The following JMJD1C variants were observed in gnomAD, a reference collection of about 807,000 sequenced individuals.
JMJD1C encodes the protein jumonji domain containing 1C, also known as jumonji domain-containing protein 1C.
In JMJD1C, 31 loss-of-function variants were observed where a neutral mutation model predicts 245.3. The ratio of observed to expected loss-of-function variants is 0.13; its 90% CI spans 0.09 to 0.17. The LOEUF (loss-of-function observed/expected upper bound fraction) is 0.17, where lower values mean the gene tolerates loss of function less well. JMJD1C is among the 10% of genes least tolerant of loss of function. The pLI is 1.00. For synonymous variants in JMJD1C, 1,057 were observed against 1,017.4 expected, an observed-to-expected ratio of 1.04 and a Z score of -0.74; for missense variants, 2,691 against 3,000.2, an observed-to-expected ratio of 0.90 and a Z score of 2.41.
intron 24 of JMJD1C, among the ~76,000 whole-genome samples, chr10:63,172,735 A>T (rs1453382084): frequency 6.6e-6 from 1 of 151,752 alleles, no homozygotes. Context: ...AATGAAGCCT[A>T]AAAAAGTGTA....
chr10:63,367,901 C>T (rs1945988682), intron 2 of JMJD1C, among the ~76,000 whole-genome samples: 1 of 152,186 alleles, frequency 6.6e-6, no homozygotes. Context: ...TAGTGTGTCT[C>T]CTTCACCTGA....
intron 1 of JMJD1C, among the ~76,000 whole-genome samples, chr10:63,491,856 T>C (rs914612773): frequency 2.6e-4 from 40 of 152,170 alleles, no homozygotes; most frequent in African/African-American, 9.4e-4. Context: ...CTACAACACT[T>C]CTAGTGGAGT....
chr10:63,402,240 T>A (rs7912893), intron 1 of JMJD1C, among the ~76,000 whole-genome samples: 63,986 of 151,830 alleles, frequency 0.42, 14,219 homozygotes, highest in South Asian at 0.53. Flanking sequence ...ATGCTCAATA[T>A]CACAAATCAT....
intron 1 of JMJD1C, among the ~76,000 whole-genome samples, chr10:63,389,394 C>G (rs750208885): frequency 6.0e-5 from 9 of 149,198 alleles, no homozygotes; most frequent in Non-Finnish European, 8.9e-5. Context: ...CAACAACCCA[C>G]TCTTAGCATT....
chr10:63,207,903 C>T lies in JMJD1C; in HGVS notation c.3766G>A (p.Glu1256Lys), dbSNP rs754610984. The T allele has an allele frequency of 3.7e-6, 6 of 1,614,026 alleles. No individual in the cohort carries two copies. The highest frequency in any genetic ancestry group is 3.3e-5 in the South Asian group (3 of 91,064). Residue 1256 changes from glutamate (E) to lysine (K), a missense_variant, in exon 10 of 26, where the codon GAA (glutamate) becomes AAA (lysine). Coordinates refer to ENST00000399262, the MANE Select transcript of JMJD1C (RefSeq NM_032776.3). ...AAATTTGCCTGGGAGTCTTTTGGTT[C>T]GGGTATTAGAGTTGGAGGCTTCTGT... ...ESQKPPTLIP[E>K]PKDSQANFKS...
rs1313462256 is a variant in JMJD1C at position 63,440,594 on chromosome 10, T to C, written c.168+24901A>G. On this transcript the variant is annotated intron_variant, in intron 1 of 25. Transcript: ENST00000399262. ...TCTCTGAGCATCCACCAAATAATGG[T>C]AGCCTTTATAAAAAGTTTCTATGAT... Among the ~76,000 whole-genome samples the C allele has an allele frequency of 2.0e-5, 3 of 152,122 alleles. No homozygotes were observed. In the South Asian group the frequency reaches 6.2e-4, roughly 32 times the overall value.
rs202211256 is a variant in JMJD1C at position 63,428,728 on chromosome 10, A to G, written c.168+36767T>C. Among the ~76,000 whole-genome samples the G allele has an allele frequency of 1.1e-4, 17 of 152,354 alleles. No homozygotes were observed. The East Asian group carries it at 3.1e-3, about 28-fold the overall frequency. On this transcript the variant is annotated intron_variant, in intron 1 of 25. Coordinates refer to ENST00000399262, the MANE Select transcript of JMJD1C (RefSeq NM_032776.3). ...GAAAAAACAATAAGGGCAAGAAAGT[A>G]AAACTCAAAAATGCTAATTGTTCAA...
chr10:63,400,783 A>T (rs1305582113), intron 1 of JMJD1C, among the ~76,000 whole-genome samples: 1 of 152,004 alleles, frequency 6.6e-6, no homozygotes, highest in East Asian at 1.9e-4. Context: ...CATGTTGGCC[A>T]GGCTGGTCTC....
At chr10:63,423,603 T>A (rs1456840101) in intron 1 of JMJD1C, among the ~76,000 whole-genome samples, 1 of 152,354 alleles carries the variant, frequency 6.6e-6, no homozygotes, top group African/African-American at 2.4e-5. Context: ...TTTTGAATAA[T>A]GGTACTGGCA....
At chr10:63,450,366 T>C (rs963226180) in intron 1 of JMJD1C, among the ~76,000 whole-genome samples, 3 of 152,054 alleles carry the variant, frequency 2.0e-5, no homozygotes, top group East Asian at 1.9e-4. Context: ...ATTATTACCA[T>C]AGCAGCATTA....
At chr10:63,492,710 GATT>G (rs1954215798) in intron 1 of JMJD1C, among the ~76,000 whole-genome samples, 1 of 151,752 alleles carries the variant, frequency 6.6e-6, no homozygotes, top group African/African-American at 2.4e-5. Flanking sequence ...AAAAATAAAA[GATT>G]ATTTTTAAAA....
chr10:63,361,800 A>G (rs1945374347), intron 2 of JMJD1C, among the ~76,000 whole-genome samples: 1 of 152,072 alleles, frequency 6.6e-6, no homozygotes, highest in South Asian at 2.1e-4. Context: ...TATGGAAAGC[A>G]AAGTCCAAAA....
chr10:63,454,132 G>C (rs949945163), intron 1 of JMJD1C, among the ~76,000 whole-genome samples: 2 of 151,822 alleles, frequency 1.3e-5, no homozygotes, highest in Non-Finnish European at 2.9e-5. Flanking sequence ...CAATTGAATA[G>C]CCACATCTAC....
chr10:63,308,363 G>C (rs1055668760), intron 2 of JMJD1C, among the ~76,000 whole-genome samples: 4 of 151,882 alleles, frequency 2.6e-5, no homozygotes, highest in Non-Finnish European at 4.4e-5. Flanking sequence ...ACAAAATAAG[G>C]TTCCCAGATC....
At chr10:63,348,123 T>G (rs1367498183) in intron 2 of JMJD1C, among the ~76,000 whole-genome samples, 2 of 151,500 alleles carry the variant, frequency 1.3e-5, no homozygotes, top group Non-Finnish European at 2.9e-5. Flanking sequence ...GGAGGATCGC[T>G]TGAAACCAGG....
intron 2 of JMJD1C, among the ~76,000 whole-genome samples, chr10:63,360,005 A>T (rs913510218): frequency 4.6e-5 from 7 of 152,110 alleles, no homozygotes; most frequent in Admixed American, 2.0e-4. Flanking sequence ...AACAATAAGG[A>T]ATACCACAGA....
At chr10:63,181,904 A>T (rs4298795) in intron 22 of JMJD1C, among the ~76,000 whole-genome samples, 151,419 of 152,342 alleles carry the variant, frequency 0.99, 75,256 homozygotes, top group Middle Eastern at 1. Flanking sequence ...GCGCTCAGAC[A>T]ATAACTCAAG....
At chr10:63,313,644 G>A (rs561723987) in intron 2 of JMJD1C, among the ~76,000 whole-genome samples, 1 of 152,320 alleles carries the variant, frequency 6.6e-6, no homozygotes, top group South Asian at 2.1e-4. Flanking sequence ...TCTGACTGGT[G>A]TGAGATGATC....
At chr10:63,341,302 T>C (rs1368266270) in intron 2 of JMJD1C, among the ~76,000 whole-genome samples, 3 of 152,222 alleles carry the variant, frequency 2.0e-5, no homozygotes, top group Admixed American at 6.5e-5. Context: ...GGTCATTGCT[T>C]ATGAAAATGT....
Sources: allele counts gnomAD v4.1 joint callset (sites outside exome capture counted in the v4.1 genomes callset), GRCh38; gene constraint gnomAD v4.1.1; transcripts MANE v1.5; gene names NCBI Gene and HGNC (gene_info 2026-07-23, HGNC 2026-07-21).